Variants in MACROD2 observed in about 807,000 individuals in gnomAD.
MACROD2 encodes the protein ADP-ribose glycohydrolase MACROD2.
Under a neutral mutation model 70.4 loss-of-function variants are expected in MACROD2, and 36 were observed. That is an observed-to-expected ratio of 0.51 (90% CI 0.39 to 0.68). The LOEUF (loss-of-function observed/expected upper bound fraction) is 0.68. MACROD2 is among the 30% of genes least tolerant of loss of function. The pLI is 0.00. For missense variants in MACROD2, 496 were observed against 538.4 expected (o/e 0.92, Z 0.78); for synonymous variants, 172 against 178.8 (o/e 0.96, Z 0.30).
intron 6 of MACROD2, among the ~76,000 whole-genome samples, chr20:15,391,555 A>G (rs2045792274): frequency 6.6e-6 from 1 of 152,224 alleles, no homozygotes; most frequent in African/African-American, 2.4e-5. Flanking sequence ...ATGGAAGTTT[A>G]TAAGGACTCA....
rs923752018 is a variant in MACROD2 at position 14,180,676 on chromosome 20, A to G, written c.271+94948A>G. 8.6e-5 allele frequency among the ~76,000 whole-genome samples: 13 copies of G among 151,788 alleles called. No homozygotes were observed. The East Asian group carries it at 1.4e-3, about 16-fold the overall frequency. On this transcript the variant is annotated intron_variant, in intron 3 of 17. Transcript: ENST00000684519. ...AATTAATATTTTATTATTTTCTTTT[A>G]TCTTATTTTTCTGTTTATGTTAGTT...
chr20:14,682,019 T>C (rs2070938517), intron 4 of MACROD2, among the ~76,000 whole-genome samples: 1 of 152,150 alleles, frequency 6.6e-6, no homozygotes, highest in African/African-American at 2.4e-5. Flanking sequence ...ATTTGGTACA[T>C]TTAAGCTGTA....
At chr20:14,728,724 C>T (rs1316310175) in intron 5 of MACROD2, among the ~76,000 whole-genome samples, 1 of 152,000 alleles carries the variant, frequency 6.6e-6, no homozygotes, top group Non-Finnish European at 1.5e-5. Flanking sequence ...TTTTGTAATA[C>T]CACAAGGAAG....
chr20:14,881,931 A>G (rs1037709923), intron 5 of MACROD2, among the ~76,000 whole-genome samples: 3 of 152,134 alleles, frequency 2.0e-5, no homozygotes, highest in Non-Finnish European at 4.4e-5. Context: ...TAGTGTTTAT[A>G]TGGGCCAACA....
At chr20:14,762,630 T>G (rs1335785780) in intron 5 of MACROD2, among the ~76,000 whole-genome samples, 2 of 152,100 alleles carry the variant, frequency 1.3e-5, no homozygotes, top group Non-Finnish European at 2.9e-5. Context: ...ACTTGGCCTA[T>G]TAAATGACAG....
rs1568527534 is a variant in MACROD2, at chr20:14,264,017, ACACACACAC to A, written c.271+178290_271+178298del. ...CACACACACACACACACACACACAC[ACACACACAC>A]AACACAAGTGAAGGAAAAAGATGGT... On this transcript the variant is annotated intron_variant, in intron 3 of 17. Coordinates refer to ENST00000684519, the MANE Select transcript of MACROD2 (RefSeq NM_001351661.2). Among the ~76,000 whole-genome samples, 7 of 118,252 alleles carry A rather than the reference ACACACACAC, an allele frequency of 5.9e-5. No homozygotes were observed. The South Asian group carries it at 1.1e-3, about 18-fold the overall frequency. 77.6% of individuals were successfully genotyped at this position (118,252 alleles called of 152,430 possible).
At chr20:14,239,691 G>A (rs576033307) in intron 3 of MACROD2, among the ~76,000 whole-genome samples, 53 of 152,290 alleles carry the variant, frequency 3.5e-4, no homozygotes, top group Non-Finnish European at 7.2e-4. Flanking sequence ...ACTCAAGATG[G>A]ATTAAAGTCT....
At chr20:16,037,763 G>A (rs775134) in intron 15 of MACROD2, among the ~76,000 whole-genome samples, 112,178 of 151,692 alleles carry the variant, frequency 0.74, 43,219 homozygotes, top group Non-Finnish European at 0.84. Context: ...GTCTTTTCAA[G>A]GTTATTTTGT....
chr20:14,136,044 G>A (rs2054792049), intron 3 of MACROD2, among the ~76,000 whole-genome samples: 1 of 152,138 alleles, frequency 6.6e-6, no homozygotes, highest in Non-Finnish European at 1.5e-5. Context: ...AAGTAAAATA[G>A]TCTTTATCTA....
At chr20:14,532,017 T>G (rs576760188) in intron 4 of MACROD2, among the ~76,000 whole-genome samples, 242 of 152,314 alleles carry the variant, frequency 1.6e-3, no homozygotes, top group African/African-American at 5.5e-3. Flanking sequence ...TTTGTTTTTT[T>G]CTTTACCATA....
At chr20:14,952,912 A>G (rs1196255191) in intron 5 of MACROD2, among the ~76,000 whole-genome samples, 2 of 152,122 alleles carry the variant, frequency 1.3e-5, no homozygotes, top group Admixed American at 1.3e-4. Context: ...AAAAGGAAAC[A>G]GTTCTGTTTT....
intron 3 of MACROD2, among the ~76,000 whole-genome samples, chr20:14,154,980 C>T (rs929297556): frequency 6.6e-6 from 1 of 152,164 alleles, no homozygotes; most frequent in Non-Finnish European, 1.5e-5. Context: ...TTCTTTGCAT[C>T]TCACCAGCAC....
chr20:15,153,142 G>A lies in MACROD2; in HGVS notation c.419-76798G>A, dbSNP rs568192805. 3.2e-4 allele frequency among the ~76,000 whole-genome samples: 49 copies of A among 152,162 alleles called. 1 individual carries two copies. Among genetic ancestry groups the A allele is most frequent in the Admixed American group, 5.2e-4 (8 of 15,298 alleles). ...GGGAGGTCCCCCAGTTCGAGTCACG[G>A]CACCAAATTTCATGTGTGTCCATGT... On this transcript the variant is annotated intron_variant, in intron 5 of 17. Transcript: ENST00000684519.
chr20:15,518,124 G>A (rs931844590), intron 8 of MACROD2, among the ~76,000 whole-genome samples: 5 of 152,232 alleles, frequency 3.3e-5, no homozygotes, highest in Admixed American at 2.6e-4. Context: ...GGAGAAAAAA[G>A]GTGATGGGTT....
chr20:15,307,758 C>A (rs1004772773), intron 6 of MACROD2, among the ~76,000 whole-genome samples: 2 of 151,478 alleles, frequency 1.3e-5, no homozygotes, highest in African/African-American at 4.8e-5. Context: ...TCTTTTTTTT[C>A]TGGTCTAGGA....
At chr20:14,334,097 A>G (rs1400648331) in intron 3 of MACROD2, among the ~76,000 whole-genome samples, 3 of 152,334 alleles carry the variant, frequency 2.0e-5, no homozygotes, top group African/African-American at 4.8e-5. Context: ...GATTATGCAT[A>G]TGCAAAACAA....
Position 14,795,126 on chromosome 20 carries a change from T to G in MACROD2, c.418+110167T>G, listed in dbSNP as rs1360878252. Among the ~76,000 whole-genome samples, 6 of 151,994 alleles carry G rather than the reference T, an allele frequency of 3.9e-5. No homozygotes were observed. In the East Asian group the frequency reaches 1.2e-3, roughly 29 times the overall value. The stretch of plus-strand genomic sequence containing the variant: ...GGAGAGAGAATGAGTTTGAAGGGAT[T>G]GGAGGGGCCAGACCGTGAAGGACCT... On this transcript the variant is annotated intron_variant, in intron 5 of 17. Coordinates refer to ENST00000684519, the MANE Select transcript of MACROD2 (RefSeq NM_001351661.2).
At chr20:14,724,092 A>T (rs2071500892) in intron 5 of MACROD2, among the ~76,000 whole-genome samples, 1 of 152,186 alleles carries the variant, frequency 6.6e-6, no homozygotes, top group Non-Finnish European at 1.5e-5. Flanking sequence ...AATGTTTTGT[A>T]ACATTCAATT....
At chr20:15,412,987 T>C (rs2046098568) in intron 6 of MACROD2, among the ~76,000 whole-genome samples, 1 of 152,192 alleles carries the variant, frequency 6.6e-6, no homozygotes, top group Admixed American at 6.5e-5. Context: ...CATAAGTAAC[T>C]AGAAAATACT....
Sources: allele counts gnomAD v4.1 joint callset (sites outside exome capture counted in the v4.1 genomes callset), GRCh38; gene constraint gnomAD v4.1.1; transcripts MANE v1.5; gene names NCBI Gene and HGNC (gene_info 2026-07-23, HGNC 2026-07-21).